PHLPP2: variants seen among roughly 807,000 people sequenced by gnomAD.
PHLPP2 encodes the protein PH domain leucine-rich repeat-containing protein phosphatase 2.
Under a neutral mutation model 124.9 loss-of-function variants are expected in PHLPP2, and 66 were observed. The ratio of observed to expected loss-of-function variants is 0.53; its 90% CI spans 0.43 to 0.65. PHLPP2 has a LOEUF of 0.65. Among genes scored for constraint, PHLPP2 ranks in the 30% least tolerant of loss-of-function variants. The pLI is 0.00. For synonymous variants in PHLPP2, 681 were observed against 624.7 expected (o/e 1.09, Z -1.34); for missense variants, 1,685 against 1,600.4 (o/e 1.05, Z -0.90).
chr16:71,692,873 G>C (rs1466749700), intron 3 of PHLPP2, among the ~76,000 whole-genome samples: 1 of 151,768 alleles, frequency 6.6e-6, no homozygotes, highest in South Asian at 2.1e-4. Context: ...ATGGACGACT[G>C]ACTGTATTCT....
chr16:71,660,181 T>C (rs191721596), intron 13 of PHLPP2, among the ~76,000 whole-genome samples: 195 of 151,920 alleles, frequency 1.3e-3, no homozygotes, highest in African/African-American at 4.3e-3. Flanking sequence ...TCGTCTTTCT[T>C]AAGGCATGAA....
At chr16:71,681,938 C>T (rs1278332236) in intron 5 of PHLPP2, 33 bp from the exon 6 acceptor site, 2 of 1,524,768 alleles carry the variant, frequency 1.3e-6, no homozygotes. Flanking sequence ...GCCTTCTGAG[C>T]TAGTACTGGA....
At chr16:71,689,327 C>A (rs2045084868) in intron 4 of PHLPP2, among the ~76,000 whole-genome samples, 1 of 151,376 alleles carries the variant, frequency 6.6e-6, no homozygotes, top group Non-Finnish European at 1.5e-5. Context: ...CCATCCTCCT[C>A]CCACCTCAAC....
intron 1 of PHLPP2, among the ~76,000 whole-genome samples, chr16:71,719,577 T>A (rs888200536): frequency 2.0e-5 from 3 of 152,034 alleles, no homozygotes; most frequent in African/African-American, 7.2e-5. Flanking sequence ...GCATTAATTG[T>A]TTATACATAC....
In PHLPP2 at chr16:71,655,439, A is replaced by G; in HGVS notation, c.2391-5T>C. On this transcript the variant is annotated splice_polypyrimidine_tract_variant and splice_region_variant and intron_variant, in intron 16 of 18. Coordinates refer to ENST00000568954, the MANE Select transcript of PHLPP2 (RefSeq NM_015020.3). Reference sequence around the variant, plus strand: ...GCAAGTGCTGAGACACACAGCCTATAATAGAAACATGAAAACAGAAAACAG... The same window carrying G: ...GCAAGTGCTGAGACACACAGCCTATGATAGAAACATGAAAACAGAAAACAG... 1 of 1,601,064 alleles carries G rather than the reference A, an allele frequency of 6.2e-7. No individual in the cohort carries two copies.
intron 9 of PHLPP2, among the ~76,000 whole-genome samples, chr16:71,673,197 A>G (rs977657750): frequency 2.0e-5 from 3 of 152,214 alleles, no homozygotes; most frequent in South Asian, 2.1e-4. Context: ...GTGGACTAAT[A>G]TAAGTCCTTA....
intron 3 of PHLPP2, among the ~76,000 whole-genome samples, chr16:71,696,759 C>T (rs1038909943): frequency 1.1e-4 from 17 of 152,138 alleles, no homozygotes; most frequent in African/African-American, 4.1e-4. Context: ...ATTTTTGCCA[C>T]TTTCGTATAT....
intron 3 of PHLPP2, among the ~76,000 whole-genome samples, chr16:71,694,054 C>T (rs542093664): frequency 7.9e-5 from 12 of 152,106 alleles, no homozygotes; most frequent in Non-Finnish European, 1.6e-4. Context: ...ATTAGCTGGG[C>T]GTGGTAGCAG....
rs901902346 is a variant in PHLPP2 at position 71,664,031 on chromosome 16, C to G, written c.1853G>C (p.Ser618Thr). The change falls in exon 13 of 19, where the codon AGT (serine) becomes ACT (threonine). Residue 618 changes from serine (S) to threonine (T), a missense_variant. Physicochemically the swap from Ser to Thr is moderately conservative, Grantham distance 58. Transcript: ENST00000568954. ...SLPSACTGEE[S>T]LSMLQLLYLT... Reference sequence around the variant, plus strand: ...ATAAAGCAGCTGCAGCATACTCAAACTCTCCTCTCCAGTGCAGGCGGATGG... The same window carrying G: ...ATAAAGCAGCTGCAGCATACTCAAAGTCTCCTCTCCAGTGCAGGCGGATGG... 5 of 1,613,894 alleles carry G rather than the reference C, an allele frequency of 3.1e-6. No homozygotes were observed. Among genetic ancestry groups the G allele is most frequent in the African/African-American group, 1.3e-5 (1 of 74,926 alleles).
rs1171125322 is a variant in PHLPP2, at chr16:71,664,168, A to G, written c.1785-69T>C. ...GCTGCCTTCCTATATAGAAACCATC[A>G]TGTCACCTCAGTATGGAATGCTGCC... is the stretch of plus-strand genomic sequence containing the variant. On this transcript the variant is annotated intron_variant, in intron 12 of 18. Coordinates refer to ENST00000568954, the MANE Select transcript of PHLPP2 (RefSeq NM_015020.3). The G allele has an allele frequency of 3.9e-6, 4 of 1,026,550 alleles. No homozygotes were observed. In the African/African-American group the frequency reaches 6.3e-5, roughly 16 times the overall value. 63.6% of individuals were successfully genotyped at this position (1,026,550 alleles called of 1,614,324 possible).
At position 71,649,041 on chromosome 16, in the gene PHLPP2, T is replaced by C. The variant is rs1464634489; in HGVS notation, c.3821A>G (p.Gln1274Arg). 2 of 1,614,064 alleles carry C rather than the reference T, an allele frequency of 1.2e-6. No homozygotes were observed. Among genetic ancestry groups the C allele is most frequent in the Non-Finnish European group, 1.7e-6 (2 of 1,180,020 alleles). Residue 1274 changes from glutamine (Q) to arginine (R), a missense_variant, in exon 19 of 19, where the codon CAG becomes CGG. Coordinates refer to ENST00000568954, the MANE Select transcript of PHLPP2 (RefSeq NM_015020.3). The part of the protein sequence containing the change: ...RKTGYFAAPT[Q>R]MEPEDQFVVP... ...AACAAACTGGTCCTCTGGTTCCATC[T>C]GAGTGGGGGCAGCAAAATAGCCAGT...
chr16:71,685,305 C>T (rs929636772), intron 4 of PHLPP2, among the ~76,000 whole-genome samples: 4 of 152,156 alleles, frequency 2.6e-5, no homozygotes, highest in Non-Finnish European at 4.4e-5. Context: ...CCAGTCCAGG[C>T]GACAGTGCGA....
chr16:71,716,476 T>C lies in PHLPP2; in HGVS notation c.-6-1675A>G, dbSNP rs551002082. On this transcript the variant is annotated intron_variant, in intron 1 of 18. Coordinates refer to ENST00000568954, the MANE Select transcript of PHLPP2 (RefSeq NM_015020.3). ...AAGTTATCTCAAAGCAAAAACAATTTCTACAGGTAATATAACAAGTTTCTA... is the reference window on the plus strand; with the variant it reads ...AAGTTATCTCAAAGCAAAAACAATTCCTACAGGTAATATAACAAGTTTCTA... Among the ~76,000 whole-genome samples the C allele has an allele frequency of 8.5e-5, 13 of 152,364 alleles. No individual in the cohort carries two copies. The South Asian group carries it at 2.7e-3, about 32-fold the overall frequency.
intron 18 of PHLPP2, among the ~76,000 whole-genome samples, chr16:71,652,292 G>GCATTTGCT (rs2044702242): frequency 6.6e-6 from 1 of 152,130 alleles, no homozygotes; most frequent in African/African-American, 2.4e-5. Context: ...AAGTTCTTCT[G>GCATTTGCT]AAAGCAAAAA....
At chr16:71,699,745 G>A (rs1454838657) in intron 3 of PHLPP2, among the ~76,000 whole-genome samples, 1 of 152,166 alleles carries the variant, frequency 6.6e-6, no homozygotes, top group African/African-American at 2.4e-5. Context: ...ACACATTGCC[G>A]TCTGCAGATG....
At chr16:71,707,949 G>A (rs1217154269) in intron 2 of PHLPP2, among the ~76,000 whole-genome samples, 1 of 152,136 alleles carries the variant, frequency 6.6e-6, no homozygotes, top group Non-Finnish European at 1.5e-5. Flanking sequence ...AAGCCAGCTG[G>A]TGTCAGAATA....
intron 4 of PHLPP2, among the ~76,000 whole-genome samples, chr16:71,685,295 C>T (rs2045044818): frequency 6.6e-6 from 1 of 152,218 alleles, no homozygotes; most frequent in African/African-American, 2.4e-5. Flanking sequence ...TCACTGCATA[C>T]CAGTCCAGGC....
At chr16:71,723,714 A>C (rs908519962) in intron 1 of PHLPP2, 1 of 847,254 alleles carries the variant, frequency 1.2e-6, no homozygotes, top group African/African-American at 1.8e-5. Flanking sequence ...TTCCCTCCCT[A>C]GTCCGCTTGC....
intron 1 of PHLPP2, chr16:71,723,485 GCA>G (rs2045411283): frequency 6.4e-6 from 1 of 157,062 alleles, no homozygotes; most frequent in East Asian, 1.9e-4. Context: ...GCGGCTACCC[GCA>G]GCCCAAAGGC....
Sources: allele counts gnomAD v4.1 joint callset (sites outside exome capture counted in the v4.1 genomes callset), GRCh38; gene constraint gnomAD v4.1.1; transcripts MANE v1.5; gene names NCBI Gene and HGNC (gene_info 2026-07-23, HGNC 2026-07-21).